GULP1: variants seen among roughly 807,000 people sequenced by gnomAD.
GULP1 encodes PTB domain-containing engulfment adapter protein 1.
In GULP1, 19 loss-of-function variants were observed where a neutral mutation model predicts 40.9. The ratio of observed to expected loss-of-function variants is 0.46; its 90% CI spans 0.32 to 0.68. The LOEUF (loss-of-function observed/expected upper bound fraction) is 0.68. Ranked by LOEUF, GULP1 falls within the 30% of genes least tolerant of loss-of-function variation. The pLI, the probability that GULP1 is intolerant of heterozygous loss-of-function variation, is 0.03. For missense variants in GULP1, 312 were observed against 362.2 expected (o/e 0.86, Z 1.12); for synonymous variants, 119 against 117.6 (o/e 1.01, Z -0.08).
intron 1 of GULP1, among the ~76,000 whole-genome samples, chr2:188,323,147 C>T (rs2040245564): frequency 6.6e-6 from 1 of 152,038 alleles, no homozygotes; most frequent in African/African-American, 2.4e-5. Flanking sequence ...AGATCCAGCT[C>T]ACATTTTGCC....
At chr2:188,510,269 C>T (rs1001365017) in intron 4 of GULP1, among the ~76,000 whole-genome samples, 1 of 151,968 alleles carries the variant, frequency 6.6e-6, no homozygotes, top group African/African-American at 2.4e-5. Context: ...TAGTCAAAAG[C>T]TTAAGTAAGT....
chr2:188,399,199 G>T (rs1341180674), intron 2 of GULP1, among the ~76,000 whole-genome samples: 1 of 152,116 alleles, frequency 6.6e-6, no homozygotes, highest in African/African-American at 2.4e-5. Context: ...AAATTTGAGG[G>T]TAATCAGATG....
chr2:188,311,664 GT>G (rs1265877786), intron 1 of GULP1, among the ~76,000 whole-genome samples: 3 of 149,900 alleles, frequency 2.0e-5, no homozygotes, highest in African/African-American at 7.3e-5. Flanking sequence ...TTACTATGAA[GT>G]TATATTAATA....
At position 188,385,633 on chromosome 2, in the gene GULP1, C is replaced by T. The variant is rs538312992; in HGVS notation, c.-45+1744C>T. The stretch of plus-strand genomic sequence containing the variant: ...TTTTCTGAACTTGTATGCTCTGCTT[C>T]CCTTATAAAACTGAATGTCTTTAAC... On this transcript the variant is annotated intron_variant, in intron 2 of 11. Coordinates refer to ENST00000409830, the MANE Select transcript of GULP1 (RefSeq NM_016315.4). Among the ~76,000 whole-genome samples, 3 of 152,246 alleles carry T rather than the reference C, an allele frequency of 2.0e-5. No homozygotes were observed. The South Asian group carries it at 6.2e-4, about 32-fold the overall frequency.
At chr2:188,301,696 G>C (rs1351220954) in intron 1 of GULP1, among the ~76,000 whole-genome samples, 1 of 152,168 alleles carries the variant, frequency 6.6e-6, no homozygotes, top group Non-Finnish European at 1.5e-5. Flanking sequence ...GGTGAAATGA[G>C]AGGACTAAGG....
At chr2:188,427,245 A>T (rs1370713267) in intron 2 of GULP1, among the ~76,000 whole-genome samples, 1 of 152,222 alleles carries the variant, frequency 6.6e-6, no homozygotes, top group Non-Finnish European at 1.5e-5. Flanking sequence ...ATGTCTTAGA[A>T]GATTGGCAGC....
At chr2:188,535,136 AAATT>A (rs1386838863) in intron 6 of GULP1, among the ~76,000 whole-genome samples, 3 of 151,586 alleles carry the variant, frequency 2.0e-5, no homozygotes, top group Non-Finnish European at 2.9e-5. Flanking sequence ...TTAATATTAA[AAATT>A]AATTTCTATT....
intron 4 of GULP1, among the ~76,000 whole-genome samples, 199 bp from the exon 5 acceptor site, chr2:188,522,557 G>T (rs1016797560): frequency 6.6e-6 from 1 of 151,570 alleles, no homozygotes; most frequent in Non-Finnish European, 1.5e-5. Context: ...AATAATCTTT[G>T]ATTAACAGGA....
At position 188,326,036 on chromosome 2, in the gene GULP1, T is replaced by C. The variant is rs771747351; in HGVS notation, c.-172+33870T>C. On this transcript the variant is annotated intron_variant, in intron 1 of 11. Coordinates refer to ENST00000409830, the MANE Select transcript of GULP1 (RefSeq NM_016315.4). ...TGTGTTTATTACTTTCTTTGCAGTA[T>C]TCTACTATACCAGAGTGGGTTTTTA... is the stretch of plus-strand genomic sequence containing the variant. 2.3e-4 allele frequency among the ~76,000 whole-genome samples: 35 copies of C among 152,254 alleles called. 1 individual carries two copies. Among genetic ancestry groups the C allele is most frequent in the East Asian group, 5.8e-4 (3 of 5,182 alleles).
At position 188,522,055 on chromosome 2, in the gene GULP1, G is replaced by A. The variant is rs149651388; in HGVS notation, c.91-701G>A. ...AGCGCCACTGCACTCTGGCCTGGGC[G>A]AAAGAGTGAGACTCCGTCTCAAAAA... On this transcript the variant is annotated intron_variant, in intron 4 of 11. Transcript: ENST00000409830. 4.0e-3 allele frequency among the ~76,000 whole-genome samples: 607 copies of A among 152,214 alleles called. 5 individuals are homozygous for A. The highest frequency in any genetic ancestry group is 0.014 in the African/African-American group (572 of 41,532).
chr2:188,514,040 A>AGTGTGTGTGT (rs1164481151), intron 4 of GULP1, among the ~76,000 whole-genome samples: 20,608 of 122,786 alleles, frequency 0.17, 2,157 homozygotes, highest in East Asian at 0.22. Flanking sequence ...TCCCCTTCTG[A>AGTGTGTGTGT]GTGTGTGTGT....
At chr2:188,489,676 C>T (rs1335718103) in intron 4 of GULP1, among the ~76,000 whole-genome samples, 1 of 151,830 alleles carries the variant, frequency 6.6e-6, no homozygotes, top group Non-Finnish European at 1.5e-5. Context: ...GGAATTTTTG[C>T]TTTATGTGCC....
At chr2:188,341,410 AC>A (rs928041815) in intron 1 of GULP1, among the ~76,000 whole-genome samples, 1 of 151,778 alleles carries the variant, frequency 6.6e-6, no homozygotes, top group African/African-American at 2.4e-5. Context: ...TCATCCAATC[AC>A]CTCCCACAAG....
At chr2:188,435,536 A>G (rs948828014) in intron 2 of GULP1, among the ~76,000 whole-genome samples, 1 of 152,088 alleles carries the variant, frequency 6.6e-6, no homozygotes, top group Non-Finnish European at 1.5e-5. Context: ...CACATGATAC[A>G]CTTGGCTGCT....
intron 2 of GULP1, among the ~76,000 whole-genome samples, chr2:188,434,880 T>G (rs1433765684): frequency 6.6e-6 from 1 of 152,022 alleles, no homozygotes; most frequent in Non-Finnish European, 1.5e-5. Context: ...GATGTTATTT[T>G]CTCCTCCTTT....
chr2:188,430,169 A>G (rs1310291214), intron 2 of GULP1, among the ~76,000 whole-genome samples: 2 of 152,250 alleles, frequency 1.3e-5, no homozygotes, highest in East Asian at 3.8e-4. Flanking sequence ...ACAGAGTCAT[A>G]GGTCATTGTA....
intron 2 of GULP1, among the ~76,000 whole-genome samples, chr2:188,386,331 A>G (rs1245940659): frequency 3.3e-5 from 5 of 152,130 alleles, no homozygotes; most frequent in South Asian, 2.1e-4. Context: ...ACCCACCTCC[A>G]TGGTTCAATC....
chr2:188,302,385 C>G (rs566567825), intron 1 of GULP1, among the ~76,000 whole-genome samples: 1 of 152,200 alleles, frequency 6.6e-6, no homozygotes, highest in Non-Finnish European at 1.5e-5. Flanking sequence ...AATTATACCA[C>G]TATTTATTGG....
chr2:188,409,110 G>C (rs2053532305), intron 2 of GULP1, among the ~76,000 whole-genome samples: 2 of 151,942 alleles, frequency 1.3e-5, no homozygotes, highest in South Asian at 4.1e-4. Flanking sequence ...GCCCAACTCA[G>C]TAGAAGGAAA....
Sources: gnomAD v4.1 joint callset for allele counts (sites outside exome capture counted in the v4.1 genomes callset) on GRCh38, gnomAD v4.1.1 for gene constraint, MANE v1.5 for transcripts, NCBI Gene and HGNC (gene_info 2026-07-23, HGNC 2026-07-21) for gene names.